The following KCNH7 variants were observed in gnomAD, a reference collection of about 807,000 sequenced individuals.
KCNH7 encodes the protein voltage-gated inwardly rectifying potassium channel KCNH7.
Under a neutral mutation model 120.8 loss-of-function variants are expected in KCNH7, and 49 were observed. The ratio of observed to expected loss-of-function variants is 0.41; its 90% CI spans 0.32 to 0.51. The LOEUF (loss-of-function observed/expected upper bound fraction) is 0.51, where lower values mean the gene tolerates loss of function less well. Ranked by LOEUF, KCNH7 falls within the 20% of genes least tolerant of loss-of-function variation. The pLI is 0.38. For missense variants in KCNH7, 1,097 were observed against 1,446.6 expected, an observed-to-expected ratio of 0.76 and a Z score of 3.92; for synonymous variants, 547 against 516.1, an observed-to-expected ratio of 1.06 and a Z score of -0.81.
At chr2:162,700,476 TTTTG>T (rs1686457054) in intron 2 of KCNH7, among the ~76,000 whole-genome samples, 1 of 152,114 alleles carries the variant, frequency 6.6e-6, no homozygotes, top group African/African-American at 2.4e-5. Flanking sequence ...AAATGTATCT[TTTTG>T]GTACGTATGG....
chr2:162,595,474 G>A (rs1284037929), intron 2 of KCNH7, among the ~76,000 whole-genome samples: 2 of 151,822 alleles, frequency 1.3e-5, no homozygotes, highest in African/African-American at 4.8e-5. Context: ...AAAACAATAT[G>A]AACATCATAA....
chr2:162,600,455 G>C (rs112285423), intron 2 of KCNH7, among the ~76,000 whole-genome samples: 20 of 152,176 alleles, frequency 1.3e-4, no homozygotes, highest in African/African-American at 4.3e-4. Context: ...AGTTTTACAG[G>C]TGTTATGATT....
At chr2:162,769,094 T>A (rs1012212502) in intron 2 of KCNH7, 13 of 152,180 alleles carry the variant, frequency 8.5e-5, no homozygotes, top group African/African-American at 2.7e-4. Context: ...AATGTGGCAT[T>A]TGAAGGTTGG....
At chr2:162,383,846 G>T (rs1158709238) in intron 13 of KCNH7, among the ~76,000 whole-genome samples, 1 of 151,730 alleles carries the variant, frequency 6.6e-6, no homozygotes, top group Non-Finnish European at 1.5e-5. Flanking sequence ...AACCTCGTTG[G>T]TTAGATAATA....
At chr2:162,459,219 G>C (rs1197335947) in intron 6 of KCNH7, among the ~76,000 whole-genome samples, 1 of 151,808 alleles carries the variant, frequency 6.6e-6, no homozygotes, top group East Asian at 1.9e-4. Context: ...GGCATAACCA[G>C]TATTCCTAGG....
At chr2:162,707,196 T>C (rs1686740504) in intron 2 of KCNH7, among the ~76,000 whole-genome samples, 2 of 152,114 alleles carry the variant, frequency 1.3e-5, no homozygotes, top group African/African-American at 4.8e-5. Context: ...TTTAAAAAAA[T>C]CTTAGCTATA....
chr2:162,731,320 T>C (rs916969972), intron 2 of KCNH7, among the ~76,000 whole-genome samples: 2 of 150,150 alleles, frequency 1.3e-5, no homozygotes, highest in Admixed American at 6.6e-5. Context: ...CTAATTGATA[T>C]ACACAAAAAA....
chr2:162,529,865 A>G (rs1691855100), intron 3 of KCNH7, among the ~76,000 whole-genome samples: 2 of 151,858 alleles, frequency 1.3e-5, no homozygotes, highest in African/African-American at 4.8e-5. Flanking sequence ...AAAGTGTTCA[A>G]TTTCATCTTT....
intron 2 of KCNH7, among the ~76,000 whole-genome samples, chr2:162,636,392 G>A (rs1046950285): frequency 6.6e-6 from 1 of 152,130 alleles, no homozygotes; most frequent in African/African-American, 2.4e-5. Flanking sequence ...CAACCAGAGA[G>A]CCAATGTCGT....
rs1689709969 is a variant in KCNH7, at chr2:162,475,651, C to T, written c.1128+28792G>A. Among the ~76,000 whole-genome samples, 5 of 152,240 alleles carry T rather than the reference C, an allele frequency of 3.3e-5. No homozygotes were observed. The South Asian group carries it at 1.0e-3, about 32-fold the overall frequency. On this transcript the variant is annotated intron_variant, in intron 6 of 15. Transcript: ENST00000332142. ...TTTCACGATATAGGATATTTATACC[C>T]CTTAAATAACTGCCTTTCACTATGT...
intron 2 of KCNH7, among the ~76,000 whole-genome samples, chr2:162,706,834 C>T (rs1376533526): frequency 6.6e-6 from 1 of 152,070 alleles, no homozygotes; most frequent in Non-Finnish European, 1.5e-5. Context: ...CTTAAAAAGG[C>T]AATAACTACA....
At chr2:162,448,178 G>T (rs1688648090) in intron 6 of KCNH7, among the ~76,000 whole-genome samples, 1 of 151,934 alleles carries the variant, frequency 6.6e-6, no homozygotes, top group African/African-American at 2.4e-5. Context: ...AATCCAAACG[G>T]GAGTAATTAA....
At chr2:162,751,196 G>A (rs1261630331) in intron 2 of KCNH7, among the ~76,000 whole-genome samples, 6 of 152,060 alleles carry the variant, frequency 3.9e-5, no homozygotes, top group Admixed American at 3.9e-4. Flanking sequence ...AGTTATTCAT[G>A]TTTTTCCAAG....
At chr2:162,517,589 T>A (rs1428466423) in intron 4 of KCNH7, 141 bp downstream of exon 4, 4 of 661,218 alleles carry the variant, frequency 6.0e-6, no homozygotes, top group Non-Finnish European at 9.8e-6. Flanking sequence ...ACTCTGAGTG[T>A]AGGACTCAGG....
chr2:162,794,009 T>G (rs1684048224), intron 2 of KCNH7, among the ~76,000 whole-genome samples: 1 of 151,968 alleles, frequency 6.6e-6, no homozygotes, highest in Admixed American at 6.6e-5. Context: ...TACTTCACAA[T>G]GTATACATGT....
rs149959762 is a variant in KCNH7 at position 162,580,751 on chromosome 2, C to T, written c.308-43671G>A. 4.4e-4 allele frequency among the ~76,000 whole-genome samples: 67 copies of T among 152,060 alleles called. No individual in the cohort carries two copies. The East Asian group carries it at 0.013, about 29-fold the overall frequency. ...GATGTCACTGGAGAACCTCTTTTAG[C>T]AGAGCAGAGTCAGGGAGGTTGAGAA... On this transcript the variant is annotated intron_variant, in intron 2 of 15. Coordinates refer to ENST00000332142, the MANE Select transcript of KCNH7 (RefSeq NM_033272.4).
intron 8 of KCNH7, among the ~76,000 whole-genome samples, chr2:162,433,665 C>A (rs1165091460): frequency 6.6e-6 from 1 of 151,946 alleles, no homozygotes; most frequent in East Asian, 1.9e-4. Flanking sequence ...AGACCTCAAA[C>A]CATAAGAATC....
intron 2 of KCNH7, among the ~76,000 whole-genome samples, chr2:162,684,375 T>C (rs1383429194): frequency 6.6e-6 from 1 of 152,154 alleles, no homozygotes; most frequent in African/African-American, 2.4e-5. Flanking sequence ...AAAGACCTTC[T>C]GTATAGCAAA....
intron 2 of KCNH7, among the ~76,000 whole-genome samples, chr2:162,685,199 C>G (rs1463958328): frequency 4.7e-5 from 7 of 150,004 alleles, no homozygotes; most frequent in Non-Finnish European, 3.0e-5. Flanking sequence ...CCTGTTGGGG[C>G]TGGGGAACTA....
Sources: gnomAD v4.1 joint callset for allele counts (sites outside exome capture counted in the v4.1 genomes callset) on GRCh38, gnomAD v4.1.1 for gene constraint, MANE v1.5 for transcripts, NCBI Gene and HGNC (gene_info 2026-07-23, HGNC 2026-07-21) for gene names.